GABBR2: variants seen among roughly 807,000 people sequenced by gnomAD.
GABBR2 encodes G-protein coupled receptor 51.
A neutral mutation model predicts 105.6 loss-of-function variants in GABBR2; 23 were observed. The ratio of observed to expected loss-of-function variants is 0.22; its 90% CI spans 0.16 to 0.31. The LOEUF is 0.31. GABBR2 is among the 10% of genes least tolerant of loss of function. The pLI is 1.00. For missense variants in GABBR2, 734 were observed against 1,245.5 expected (o/e 0.59, Z 6.18); for synonymous variants, 478 against 499.7 (o/e 0.96, Z 0.58).
At chr9:98,517,422 A>G (rs1327482866) in intron 3 of GABBR2, among the ~76,000 whole-genome samples, 1 of 152,038 alleles carries the variant, frequency 6.6e-6, no homozygotes, top group African/African-American at 2.4e-5. Flanking sequence ...CCCTCCACCC[A>G]CATATGTGTC....
At chr9:98,391,345 G>A (rs1832176804) in intron 9 of GABBR2, among the ~76,000 whole-genome samples, 1 of 152,174 alleles carries the variant, frequency 6.6e-6, no homozygotes. Context: ...TGACAGAGGG[G>A]ACAATGGTTT....
chr9:98,642,580 C>T (rs1484224812), intron 1 of GABBR2, among the ~76,000 whole-genome samples: 2 of 152,216 alleles, frequency 1.3e-5, no homozygotes, highest in South Asian at 2.1e-4. Context: ...ACTCTGTTTC[C>T]TACACCATTC....
At chr9:98,299,603 T>C (rs922331861) in intron 16 of GABBR2, among the ~76,000 whole-genome samples, 5 of 152,146 alleles carry the variant, frequency 3.3e-5, no homozygotes, top group Admixed American at 3.3e-4. Context: ...TGGGCCTTGA[T>C]GAAGCAGACA....
In GABBR2 at chr9:98,303,378, G is replaced by T; in HGVS notation, c.2275C>A (p.Arg759=). The T allele has an allele frequency of 6.2e-7, 1 of 1,613,926 alleles. No homozygotes were observed. Residue 759 remains arginine (R), a synonymous_variant, in exon 16 of 19, where the codon CGA becomes AGA. Transcript: ENST00000259455. ...TTCTGATTCTGAGTGAACTGGAATC[G>T]CCTGTTCTGCGTTGCTGCATCTGGG... is the stretch of plus-strand genomic sequence containing the variant. ...TNPDAATQNR[R]FQFTQNQKKE... is the part of the protein sequence containing the mutation.
chr9:98,375,178 G>A (rs1024386303), intron 11 of GABBR2: 3 of 152,308 alleles, frequency 2.0e-5, no homozygotes, highest in Non-Finnish European at 4.4e-5. Flanking sequence ...AAACCATCCT[G>A]CCCTGCTCAG....
At chr9:98,582,800 C>A (rs1159512873) in intron 1 of GABBR2, among the ~76,000 whole-genome samples, 1 of 152,058 alleles carries the variant, frequency 6.6e-6, no homozygotes. Flanking sequence ...AAAATTTTCA[C>A]ACTATGTAAG....
intron 1 of GABBR2, among the ~76,000 whole-genome samples, chr9:98,579,405 C>G (rs979189346): frequency 6.6e-6 from 1 of 152,174 alleles, no homozygotes; most frequent in Non-Finnish European, 1.5e-5. Flanking sequence ...CTTTCCATCC[C>G]CACCTCCCTC....
chr9:98,609,604 G>A (rs998213307), intron 1 of GABBR2, among the ~76,000 whole-genome samples: 5 of 152,190 alleles, frequency 3.3e-5, no homozygotes, highest in Admixed American at 6.5e-5. Context: ...ACTGGTTGAA[G>A]GGCAGGGCTC....
At chr9:98,318,558 G>A (rs1366097053) in intron 13 of GABBR2, among the ~76,000 whole-genome samples, 2 of 152,186 alleles carry the variant, frequency 1.3e-5, no homozygotes, top group Non-Finnish European at 2.9e-5. Flanking sequence ...GGAGGATGGG[G>A]AGTCCAGATG....
At chr9:98,701,010 G>A (rs994135728) in intron 1 of GABBR2, among the ~76,000 whole-genome samples, 1 of 152,138 alleles carries the variant, frequency 6.6e-6, no homozygotes, top group Non-Finnish European at 1.5e-5. Context: ...TGTTAGTGCA[G>A]CATAGCCTCA....
At chr9:98,607,962 C>A (rs767789447) in intron 1 of GABBR2, 19 of 1,312,066 alleles carry the variant, frequency 1.4e-5, no homozygotes, top group Admixed American at 3.9e-5. Context: ...TGAGCTCCAG[C>A]GGCACCATGA....
chr9:98,529,748 C>T lies in GABBR2; in HGVS notation c.630+12125G>A, dbSNP rs184169173. On this transcript the variant is annotated intron_variant, in intron 3 of 18. Coordinates refer to ENST00000259455, the MANE Select transcript of GABBR2 (RefSeq NM_005458.8). ...TGTAGTAACCTCCTGGCTGCTTTCACAGCCTCTGGTCTGCTCCTCCCAATT... is the reference window on the plus strand; with the variant it reads ...TGTAGTAACCTCCTGGCTGCTTTCATAGCCTCTGGTCTGCTCCTCCCAATT... 5.4e-3 allele frequency among the ~76,000 whole-genome samples: 828 copies of T among 152,332 alleles called. 7 individuals carry two copies. Among genetic ancestry groups the T allele is most frequent in the Admixed American group, 8.9e-3 (137 of 15,314 alleles).
chr9:98,318,205 G>C (rs577290137), intron 13 of GABBR2, among the ~76,000 whole-genome samples: 1 of 152,168 alleles, frequency 6.6e-6, no homozygotes, highest in Non-Finnish European at 1.5e-5. Flanking sequence ...GCAGATTCAG[G>C]TGCGCGGTCC....
chr9:98,439,075 C>T (rs1457585954), intron 7 of GABBR2, among the ~76,000 whole-genome samples: 1 of 152,020 alleles, frequency 6.6e-6, no homozygotes, highest in African/African-American at 2.4e-5. Context: ...GCCATCTGTG[C>T]TTTCCTTTAC....
chr9:98,673,433 C>T (rs7020368), intron 1 of GABBR2, among the ~76,000 whole-genome samples: 33,593 of 151,896 alleles, frequency 0.22, 5,074 homozygotes, highest in African/African-American at 0.43. Context: ...CAATAAAAGA[C>T]TGAATTAAAA....
chr9:98,674,994 C>G (rs1368692248), intron 1 of GABBR2, among the ~76,000 whole-genome samples: 1 of 152,164 alleles, frequency 6.6e-6, no homozygotes, highest in East Asian at 1.9e-4. Context: ...GAAAGTTCAG[C>G]TGGCCAGGCT....
rs1830557508 is a variant in GABBR2 at position 98,306,735 on chromosome 9, CA to C, written c.2005-391del. On this transcript the variant is annotated intron_variant, in intron 14 of 18. Transcript: ENST00000259455. This position sits in a 1 kb window ranked among gnomAD's most constrained non-coding sequence, Gnocchi z 5.4. The stretch of plus-strand genomic sequence containing the variant: ...CCAAGGCCGCACAGCAATATGGTAG[CA>C]AAAATGGGCTGTGTTTTTAGAAATT... 1.3e-5 allele frequency among the ~76,000 whole-genome samples: 2 copies of C among 152,096 alleles called. No homozygotes were observed. The highest frequency in any genetic ancestry group is 2.1e-4 in the South Asian group (1 of 4,824).
intron 1 of GABBR2, among the ~76,000 whole-genome samples, chr9:98,672,165 G>T (rs1208035250): frequency 6.6e-6 from 1 of 152,008 alleles, no homozygotes; most frequent in Admixed American, 6.5e-5. Flanking sequence ...AGAACTTTTT[G>T]TCTTTGCAAA....
chr9:98,551,049 C>T (rs1000630781), intron 2 of GABBR2, among the ~76,000 whole-genome samples: 2 of 152,170 alleles, frequency 1.3e-5, no homozygotes, highest in Non-Finnish European at 2.9e-5. Flanking sequence ...ATCGGCCAGC[C>T]ACAGTCTAAG....
Sources: allele counts gnomAD v4.1 joint callset (sites outside exome capture counted in the v4.1 genomes callset), GRCh38; gene constraint gnomAD v4.1.1; non-coding constraint Gnocchi (gnomAD v3.1); transcripts MANE v1.5; gene names NCBI Gene and HGNC (gene_info 2026-07-23, HGNC 2026-07-21).